SLC51A: variants seen among roughly 807,000 people sequenced by gnomAD.
The protein encoded by SLC51A is organic solute transporter subunit alpha.
In SLC51A, 22 loss-of-function variants were observed where a neutral mutation model predicts 34.8. The ratio of observed to expected loss-of-function variants is 0.63; its 90% confidence interval spans 0.45 to 0.90. SLC51A has a LOEUF of 0.90. SLC51A is among the 40% of genes least tolerant of loss of function. The pLI, the probability that SLC51A is intolerant of heterozygous loss-of-function variation, is 0.00. For synonymous variants in SLC51A, 181 were observed against 176.3 expected (o/e 1.03, Z -0.21); for missense variants, 371 against 414.8 (o/e 0.89, Z 0.92).
At chr3:196,227,220 C>T in intron 3 of SLC51A, 101 bp downstream of exon 3, 1 of 908,298 alleles carries the variant, frequency 1.1e-6, no homozygotes, top group Non-Finnish European at 1.6e-6. Context: ...CAAAGAGTGT[C>T]CTGCCACGAC....
intron 2 of SLC51A, among the ~76,000 whole-genome samples, chr3:196,224,699 G>GC (rs1207053610): frequency 1.5e-5 from 1 of 68,110 alleles, no homozygotes; most frequent in Non-Finnish European, 2.7e-5. Context: ...GGGCGGGGCG[G>GC]GGGGGGGAGG....
chr3:196,216,855 A>G lies in SLC51A; in HGVS notation c.38+105A>G. 1 of 1,206,320 alleles carries G rather than the reference A, an allele frequency of 8.3e-7. No homozygotes were observed. Among genetic ancestry groups the G allele is most frequent in the Admixed American group, 2.4e-5 (1 of 41,696 alleles). 74.7% of individuals were successfully genotyped at this position (1,206,320 alleles called of 1,614,324 possible). On this transcript the variant is annotated intron_variant, in intron 1 of 8. Coordinates refer to ENST00000296327, the MANE Select transcript of SLC51A (RefSeq NM_152672.6). The surrounding 1 kb of genome is among the most constrained non-coding windows in gnomAD (Gnocchi z 4.5). The stretch of plus-strand genomic sequence containing the variant: ...AGAGCCCTTTGGCGGCCGCACTCAG[A>G]ATGAGACAGGACTGGAAATGCTCTA...
intron 3 of SLC51A, 116 bp downstream of exon 3, chr3:196,227,235 G>C: frequency 8.9e-7 from 1 of 1,120,440 alleles, no homozygotes; most frequent in Non-Finnish European, 1.3e-6. Flanking sequence ...CACGACCCGC[G>C]GAGGGCCGAG....
At chr3:196,223,852 A>C in intron 2 of SLC51A, 1 of 411,292 alleles carries the variant, frequency 2.4e-6, no homozygotes, top group Non-Finnish European at 4.7e-6. Context: ...CCTTTTTTTT[A>C]ATGCCTTTTT....
In SLC51A at chr3:196,228,952, A is replaced by G; in HGVS notation, c.633+32A>G. ...CGGGAGTAAGGGACAGCACAGTCCA[A>G]GACTCATTTAGTACCTTTGTGTTCT... On this transcript the variant is annotated intron_variant, in intron 6 of 8. Transcript: ENST00000296327. This position sits in a 1 kb window ranked among gnomAD's most constrained non-coding sequence, Gnocchi z 4.9. The G allele has an allele frequency of 6.6e-7, 1 of 1,504,484 alleles. No homozygotes were observed. Among genetic ancestry groups the G allele is most frequent in the Non-Finnish European group, 9.3e-7 (1 of 1,079,714 alleles). 93.2% of individuals were successfully genotyped at this position (1,504,484 alleles called of 1,614,324 possible).
chr3:196,226,331 A>AT (rs1723892852), intron 2 of SLC51A, among the ~76,000 whole-genome samples: 1 of 151,980 alleles, frequency 6.6e-6, no homozygotes, highest in African/African-American at 2.4e-5. Flanking sequence ...TCCTCCCCAC[A>AT]AAAAAGTTCT....
At chr3:196,231,506 T>G (rs1207164191) in intron 7 of SLC51A, among the ~76,000 whole-genome samples, 1 of 152,204 alleles carries the variant, frequency 6.6e-6, no homozygotes, top group Non-Finnish European at 1.5e-5. Flanking sequence ...TCATTTGATC[T>G]ACGTACATGC....
At chr3:196,222,670 G>A (rs9840089) in intron 2 of SLC51A, among the ~76,000 whole-genome samples, 81,817 of 150,870 alleles carry the variant, frequency 0.54, 23,068 homozygotes, top group East Asian at 0.88. Context: ...TAAAAGGTGC[G>A]TTCTAGACCC....
intron 2 of SLC51A, among the ~76,000 whole-genome samples, chr3:196,224,245 A>C (rs1253934252): frequency 6.6e-6 from 1 of 151,910 alleles, no homozygotes; most frequent in Admixed American, 6.6e-5. Context: ...GATACAAAAT[A>C]AATTTTTCAC....
rs1723595652 is a variant in SLC51A at position 196,216,881 on chromosome 3, G to A, written c.38+131G>A. 3.6e-5 allele frequency: 37 copies of A among 1,020,352 alleles called. No individual in the cohort carries two copies. In the South Asian group the frequency reaches 5.4e-4, roughly 15 times the overall value. The allele number at this position is 1,020,352 out of a possible 1,614,324, so 63.2% of individuals were successfully genotyped here. On this transcript the variant is annotated intron_variant, in intron 1 of 8. Transcript: ENST00000296327. The surrounding 1 kb of genome is among the most constrained non-coding windows in gnomAD (Gnocchi z 4.5). ...ATGAGACAGGACTGGAAATGCTCTA[G>A]CTGTTCCTAGGTCCTCAGGGACAAC...
At chr3:196,227,214 G>C (rs954973331) in intron 3 of SLC51A, 95 bp downstream of exon 3, 2 of 748,192 alleles carry the variant, frequency 2.7e-6, no homozygotes, top group Non-Finnish European at 1.9e-6. Flanking sequence ...CTTCGGCAAA[G>C]AGTGTCCTGC....
chr3:196,217,684 T>C (rs1433289088), intron 1 of SLC51A, among the ~76,000 whole-genome samples, 158 bp from the exon 2 acceptor site: 1 of 123,298 alleles, frequency 8.1e-6, no homozygotes, highest in Admixed American at 8.0e-5. Flanking sequence ...AAAGAGAGAG[T>C]GAAAGGAAGG....
chr3:196,232,398 CCT>C lies in SLC51A; in HGVS notation c.781-16_781-15del. 1 of 1,598,178 alleles carries C rather than the reference CCT, an allele frequency of 6.3e-7. No homozygotes were observed. The highest frequency in any genetic ancestry group is 8.6e-7 in the Non-Finnish European group (1 of 1,165,630). ...TGAGGGCAGGCCCAGTCCACCCTTG[CCT>C]CTCTTTTATGTTCCGCAGGTTCTCC... On this transcript the variant is annotated intron_variant, in intron 7 of 8. Coordinates refer to ENST00000296327, the MANE Select transcript of SLC51A (RefSeq NM_152672.6).
rs139053579 is a variant in SLC51A at position 196,221,703 on chromosome 3, T to G, written c.133+3767T>G. 9.7e-3 allele frequency among the ~76,000 whole-genome samples: 1,478 copies of G among 151,788 alleles called. 24 individuals carry two copies. Among genetic ancestry groups the G allele is most frequent in the African/African-American group, 0.032 (1,334 of 41,296 alleles). The stretch of plus-strand genomic sequence containing the variant: ...TACTTTGTTTTTGTTTGTTTGTTTG[T>G]TTGGTTTGGTTTTTTGTTTTTTTTT... On this transcript the variant is annotated intron_variant, in intron 2 of 8. Coordinates refer to ENST00000296327, the MANE Select transcript of SLC51A (RefSeq NM_152672.6).
At position 196,228,061 on chromosome 3, in the gene SLC51A, C is replaced by T. The variant is rs1380289889; in HGVS notation, c.363-54C>T. Reference sequence around the variant, plus strand: ...CCTCAGTAAGCCCCACCTCTCCCTGCTGTCTTTCTCTCTGGCAGCAGACCT... The same window carrying T: ...CCTCAGTAAGCCCCACCTCTCCCTGTTGTCTTTCTCTCTGGCAGCAGACCT... On this transcript the variant is annotated intron_variant, in intron 4 of 8. Coordinates refer to ENST00000296327, the MANE Select transcript of SLC51A (RefSeq NM_152672.6). The surrounding 1 kb of genome is among the most constrained non-coding windows in gnomAD (Gnocchi z 4.9). The T allele has an allele frequency of 5.3e-5, 83 of 1,577,650 alleles. 1 individual carries two copies. In the Admixed American group the frequency reaches 1.1e-3, roughly 22 times the overall value.
intron 2 of SLC51A, chr3:196,223,820 G>A (rs572399693): frequency 3.9e-5 from 16 of 412,326 alleles, no homozygotes; most frequent in South Asian, 2.2e-4. Context: ...AGACAGGCAC[G>A]GCAAATATCT....
rs757807989 is a variant in SLC51A at position 196,228,093 on chromosome 3, C to A, written c.363-22C>A. The A allele has an allele frequency of 1.9e-6, 3 of 1,606,376 alleles. No individual in the cohort carries two copies. The highest frequency in any genetic ancestry group is 1.1e-5 in the South Asian group (1 of 89,720). The stretch of plus-strand genomic sequence containing the variant: ...TCTCTCTGGCAGCAGACCTCGTAGG[C>A]CCTCTTCTCTCCCCACCCCAGGTTT... On this transcript the variant is annotated intron_variant, in intron 4 of 8. Coordinates refer to ENST00000296327, the MANE Select transcript of SLC51A (RefSeq NM_152672.6). This position sits in a 1 kb window ranked among gnomAD's most constrained non-coding sequence, Gnocchi z 4.9.
In SLC51A at chr3:196,232,476, G is replaced by C. The variant is rs1276083848; in HGVS notation, c.838G>C (p.Gly280Arg). The part of the protein sequence containing the change: ...PSIFSVLANG[G>R]QIACSPPYSS... ...CATCTTCTCAGTCTTGGCCAACGGT[G>C]GGCAGATTGCTTGTTCGCCTCCCTA... The change falls in exon 8 of 9, where the codon GGG (glycine) becomes CGG (arginine). Residue 280 changes from glycine to arginine, a missense_variant. Gly to Arg is a moderately radical substitution (Grantham distance 125). Transcript: ENST00000296327. 1 of 1,614,194 alleles carries C rather than the reference G, an allele frequency of 6.2e-7. No individual in the cohort carries two copies. Among genetic ancestry groups the C allele is most frequent in the Non-Finnish European group, 8.5e-7 (1 of 1,180,010 alleles).
Position 196,228,010 on chromosome 3 carries a change from C to A in SLC51A, c.363-105C>A. The stretch of plus-strand genomic sequence containing the variant: ...CCCTCGCCCCTCTTGGGTCACACAC[C>A]CAGAACGCCCAGCCCTAGCTCTGCT... On this transcript the variant is annotated intron_variant, in intron 4 of 8. Coordinates refer to ENST00000296327, the MANE Select transcript of SLC51A (RefSeq NM_152672.6). The surrounding 1 kb of genome is among the most constrained non-coding windows in gnomAD (Gnocchi z 4.9). 6.8e-7 allele frequency: 1 copy of A among 1,475,628 alleles called. No individual in the cohort carries two copies. Among genetic ancestry groups the A allele is most frequent in the South Asian group, 1.3e-5 (1 of 78,012 alleles). The allele number at this position is 1,475,628 out of a possible 1,614,324, so 91.4% of individuals were successfully genotyped here.
Sources: gnomAD v4.1 joint callset for allele counts (sites outside exome capture counted in the v4.1 genomes callset) on GRCh38, gnomAD v4.1.1 for gene constraint, Gnocchi (gnomAD v3.1) non-coding constraint, MANE v1.5 for transcripts, NCBI Gene and HGNC (gene_info 2026-07-23, HGNC 2026-07-21) for gene names.